Variants in LSAMP observed in about 807,000 individuals in gnomAD.
LSAMP encodes limbic system-associated membrane protein.
In LSAMP, 7 loss-of-function variants were observed where a neutral mutation model predicts 38.6. The ratio of observed to expected loss-of-function variants is 0.18; its 90% CI spans 0.10 to 0.34. The LOEUF (loss-of-function observed/expected upper bound fraction) is 0.34, where lower values mean the gene tolerates loss of function less well. LSAMP is among the 10% of genes least tolerant of loss of function. LSAMP has a pLI of 1.00. For missense variants in LSAMP, 313 were observed against 420.0 expected (o/e 0.75, Z 2.23); for synonymous variants, 154 against 166.8 (o/e 0.92, Z 0.59).
At chr3:116,035,294 T>G (rs753974207) in intron 2 of LSAMP, among the ~76,000 whole-genome samples, 1 of 152,192 alleles carries the variant, frequency 6.6e-6, no homozygotes, top group Non-Finnish European at 1.5e-5. Context: ...ATTCACACAT[T>G]AAAAACTGTA....
At chr3:116,398,878 C>T (rs968250392) in intron 1 of LSAMP, among the ~76,000 whole-genome samples, 1 of 152,082 alleles carries the variant, frequency 6.6e-6, no homozygotes, top group African/African-American at 2.4e-5. Context: ...ATCCAATAGA[C>T]AGTGTTGAAT....
intron 1 of LSAMP, among the ~76,000 whole-genome samples, chr3:116,321,784 C>G (rs2107730773): frequency 6.6e-6 from 1 of 152,308 alleles, no homozygotes; most frequent in African/African-American, 2.4e-5. Context: ...CAAACTCAAT[C>G]AATTTAGTAC....
chr3:115,951,654 G>A (rs1247472850), intron 3 of LSAMP, among the ~76,000 whole-genome samples: 1 of 152,094 alleles, frequency 6.6e-6, no homozygotes, highest in Non-Finnish European at 1.5e-5. Flanking sequence ...AGAGGAACGT[G>A]GAAAGACTAG....
At chr3:116,265,483 G>A (rs150299100) in intron 1 of LSAMP, among the ~76,000 whole-genome samples, 16 of 152,206 alleles carry the variant, frequency 1.1e-4, no homozygotes, top group African/African-American at 3.1e-4. Context: ...GAAGAAATTC[G>A]ATAGCGTATA....
rs867035293 is a variant in LSAMP at position 115,855,873 on chromosome 3, G to A, written c.515-3256C>T. Among the ~76,000 whole-genome samples, 4 of 152,300 alleles carry A rather than the reference G, an allele frequency of 2.6e-5. No homozygotes were observed. The South Asian group carries it at 8.3e-4, about 32-fold the overall frequency. ...ACCCCTGGGCCCTCCCTGTTGTCATGCTTCCTTTCCCTATTCCCTGGATCC... is the reference window on the plus strand; with the variant it reads ...ACCCCTGGGCCCTCCCTGTTGTCATACTTCCTTTCCCTATTCCCTGGATCC... On this transcript the variant is annotated intron_variant, in intron 3 of 6. Transcript: ENST00000490035.
chr3:116,344,722 CA>C (rs932442521), intron 1 of LSAMP, among the ~76,000 whole-genome samples: 21 of 152,084 alleles, frequency 1.4e-4, no homozygotes, highest in African/African-American at 4.8e-4. Flanking sequence ...ATCAATACAA[CA>C]ACCCAAAGAG....
At chr3:115,837,472 T>C (rs1399162498) in intron 6 of LSAMP, among the ~76,000 whole-genome samples, 1 of 143,930 alleles carries the variant, frequency 6.9e-6, no homozygotes, top group African/African-American at 2.8e-5. Flanking sequence ...AAACGCTGAC[T>C]ACTAGGCTGG....
At chr3:116,289,202 C>T (rs1333317125) in intron 1 of LSAMP, among the ~76,000 whole-genome samples, 1 of 152,130 alleles carries the variant, frequency 6.6e-6, no homozygotes, top group Admixed American at 6.5e-5. Context: ...ACTGGTATGT[C>T]TCTGAGATAT....
At chr3:116,312,072 C>T (rs2047564754) in intron 1 of LSAMP, among the ~76,000 whole-genome samples, 1 of 152,086 alleles carries the variant, frequency 6.6e-6, no homozygotes, top group Non-Finnish European at 1.5e-5. Context: ...ATTTTTGACT[C>T]AGTTCTATTT....
At chr3:116,442,136 A>AAATTGAGCATCATAATTATACAAAATT (rs1357010959) in intron 1 of LSAMP, among the ~76,000 whole-genome samples, 2 of 152,214 alleles carry the variant, frequency 1.3e-5, no homozygotes, top group Admixed American at 1.3e-4. Flanking sequence ...ATTACACTAA[A>AAATTGAGCATCATAATTATACAAAATT]GATCATAATT....
At chr3:116,173,422 A>G (rs922433113) in intron 1 of LSAMP, among the ~76,000 whole-genome samples, 4 of 152,204 alleles carry the variant, frequency 2.6e-5, no homozygotes, top group Non-Finnish European at 4.4e-5. Flanking sequence ...ACAAAGATCC[A>G]TTAGAAAAAC....
At chr3:116,432,149 A>C (rs980926207) in intron 1 of LSAMP, among the ~76,000 whole-genome samples, 1 of 151,836 alleles carries the variant, frequency 6.6e-6, no homozygotes, top group Admixed American at 6.6e-5. Context: ...ATCTGTTTAC[A>C]TGCTTGATAC....
chr3:116,197,514 A>G (rs1206912316), intron 1 of LSAMP, among the ~76,000 whole-genome samples: 1 of 152,210 alleles, frequency 6.6e-6, no homozygotes, highest in Non-Finnish European at 1.5e-5. Context: ...TAAGTTAAAA[A>G]TTGCTTAAAG....
chr3:116,302,813 A>ATCAC (rs1576494277), intron 1 of LSAMP, among the ~76,000 whole-genome samples: 5 of 152,190 alleles, frequency 3.3e-5, no homozygotes, highest in Admixed American at 3.3e-4. Flanking sequence ...GACAGCTGAT[A>ATCAC]TCACTCAGGG....
chr3:116,209,295 T>C (rs2046119602), intron 1 of LSAMP, among the ~76,000 whole-genome samples: 4 of 152,154 alleles, frequency 2.6e-5, no homozygotes. Flanking sequence ...CTGCGCCCAC[T>C]GTCTGACACT....
intron 3 of LSAMP, among the ~76,000 whole-genome samples, chr3:115,933,431 A>G (rs1213836024): frequency 6.6e-6 from 1 of 152,222 alleles, no homozygotes; most frequent in South Asian, 2.1e-4. Flanking sequence ...TTTAGGGAAT[A>G]AAGAAGAAAA....
intron 1 of LSAMP, among the ~76,000 whole-genome samples, chr3:116,128,755 C>T (rs1039402467): frequency 8.1e-6 from 1 of 124,146 alleles, no homozygotes; most frequent in Admixed American, 8.2e-5. Flanking sequence ...ACTTAAAGAC[C>T]CAATGTACTT....
chr3:116,164,760 A>AT lies in LSAMP; in HGVS notation c.156-78205dup, dbSNP rs1553709491. 2.9e-3 allele frequency among the ~76,000 whole-genome samples: 270 copies of AT among 91,612 alleles called. 27 individuals carry two copies. The highest frequency in any genetic ancestry group is 0.013 in the African/African-American group (256 of 20,010). The allele number at this position is 91,612 out of a possible 152,430, so 60.1% of individuals were successfully genotyped here. A position where few individuals can be genotyped will look rare whatever the true frequency, so the allele number is the denominator to read the frequency against. On this transcript the variant is annotated intron_variant, in intron 1 of 6. Coordinates refer to ENST00000490035, the MANE Select transcript of LSAMP (RefSeq NM_002338.5). ...TATATATCCATATATATATATATAT[A>AT]TTTTTTTTTTTTTTCAAGTAGCATC...
At chr3:116,302,184 A>G (rs1262217341) in intron 1 of LSAMP, among the ~76,000 whole-genome samples, 1 of 152,232 alleles carries the variant, frequency 6.6e-6, no homozygotes, top group Non-Finnish European at 1.5e-5. Context: ...GTGGCATTCT[A>G]AATAATGTGT....
Sources: gnomAD v4.1 joint callset for allele counts (sites outside exome capture counted in the v4.1 genomes callset) on GRCh38, gnomAD v4.1.1 for gene constraint, MANE v1.5 for transcripts, NCBI Gene and HGNC (gene_info 2026-07-23, HGNC 2026-07-21) for gene names.